Variants in CSRP1 observed in about 807,000 individuals in gnomAD.
CSRP1 encodes cysteine and glycine-rich protein 1.
In CSRP1, 16 loss-of-function variants were observed where a neutral mutation model predicts 25.4. The observed-to-expected ratio is 0.63, with a 90% CI of 0.43 to 0.96. CSRP1 has a LOEUF of 0.96. Ranked by LOEUF, CSRP1 falls within the 40% of genes least tolerant of loss-of-function variation. The probability of loss-of-function intolerance (pLI) is 0.00; values close to 1 mark genes in which losing one functional copy is unlikely to be tolerated. For synonymous variants in CSRP1, 97 were observed against 95.3 expected (o/e 1.02, Z -0.10); for missense variants, 212 against 243.6 (o/e 0.87, Z 0.86).
intron 2 of CSRP1, chr1:201,492,414 TGATATACTGAGAGACTCTGCA>T (rs1378273149): frequency 6.6e-6 from 1 of 152,064 alleles, no homozygotes; most frequent in African/African-American, 2.4e-5. Context: ...TCCATCCAGG[TGATATACTGAGAGACTCTGCA>T]ACTCACCAAA....
intron 1 of CSRP1, among the ~76,000 whole-genome samples, chr1:201,500,235 C>T (rs958889604): frequency 6.6e-6 from 1 of 152,224 alleles, no homozygotes; most frequent in African/African-American, 2.4e-5. Flanking sequence ...CCCCTAGGAA[C>T]ACCCCTAAGG....
intron 3 of CSRP1, 100 bp from the exon 4 acceptor site, chr1:201,489,084 A>G: frequency 6.7e-7 from 1 of 1,499,882 alleles, no homozygotes; most frequent in Non-Finnish European, 9.1e-7. Context: ...ATGCCAGAGC[A>G]GCGCGCAATT....
chr1:201,493,425 A>G (rs1664405460), intron 2 of CSRP1, among the ~76,000 whole-genome samples: 1 of 152,208 alleles, frequency 6.6e-6, no homozygotes, highest in Non-Finnish European at 1.5e-5. Context: ...AAAGTCTTAC[A>G]AGATCTGATG....
At position 201,502,895 on chromosome 1, in the gene CSRP1, G is replaced by A. The variant is rs191742231; in HGVS notation, c.-2+4175C>T. Among the ~76,000 whole-genome samples, 8 of 152,084 alleles carry A rather than the reference G, an allele frequency of 5.3e-5. No individual in the cohort carries two copies. In the East Asian group the frequency reaches 1.5e-3, roughly 29 times the overall value. The stretch of plus-strand genomic sequence containing the variant: ...CATTCCTATAATCCTAGCACTTGGG[G>A]AGGCTGAGGTGGGTGGATCATTTAA... On this transcript the variant is annotated intron_variant, in intron 1 of 5. Coordinates refer to ENST00000340006, the MANE Select transcript of CSRP1 (RefSeq NM_004078.3).
At chr1:201,485,728 C>G in intron 4 of CSRP1, 1 of 277,610 alleles carries the variant, frequency 3.6e-6, no homozygotes, top group Non-Finnish European at 7.0e-6. Flanking sequence ...GCCAGTAGAT[C>G]AGTGGTGTGA....
At chr1:201,501,415 C>T (rs1452865038) in intron 1 of CSRP1, among the ~76,000 whole-genome samples, 1 of 152,252 alleles carries the variant, frequency 6.6e-6, no homozygotes, top group Non-Finnish European at 1.5e-5. Context: ...TCCCATTTCA[C>T]TCTGTTGACC....
chr1:201,485,455 T>C, intron 4 of CSRP1, 79 bp from the exon 5 acceptor site: 6 of 1,293,196 alleles, frequency 4.6e-6, no homozygotes, highest in Non-Finnish European at 6.7e-6. Flanking sequence ...CCCTTTGACA[T>C]AACCATGGTA....
At chr1:201,505,591 C>A (rs1460165306) in intron 1 of CSRP1, among the ~76,000 whole-genome samples, 1 of 152,224 alleles carries the variant, frequency 6.6e-6, no homozygotes, top group Non-Finnish European at 1.5e-5. Flanking sequence ...CCACACTACA[C>A]CCTCTGCAGG....
At chr1:201,494,445 A>G (rs1664436046) in intron 2 of CSRP1, among the ~76,000 whole-genome samples, 2 of 152,194 alleles carry the variant, frequency 1.3e-5, no homozygotes, top group Admixed American at 6.5e-5. Context: ...TGCTGATAAC[A>G]AGACGCTGCT....
In CSRP1 at chr1:201,488,793, T is replaced by C. The variant is rs1478147874; in HGVS notation, c.411+62A>G. The C allele has an allele frequency of 1.9e-6, 3 of 1,592,398 alleles. No homozygotes were observed. The East Asian group carries it at 6.8e-5, about 36-fold the overall frequency. ...AGCTAGGTCACCAATTTAAAAGTTCTGGAATCCACATTTCAGGAAGATATC... is the reference window on the plus strand; with the variant it reads ...AGCTAGGTCACCAATTTAAAAGTTCCGGAATCCACATTTCAGGAAGATATC... On this transcript the variant is annotated intron_variant, in intron 4 of 5. Transcript: ENST00000340006.
In CSRP1 at chr1:201,496,273, C is replaced by T; in HGVS notation, c.31G>A (p.Gly11Arg). The change falls in exon 2 of 6, where the codon GGG (glycine) becomes AGG (arginine). Residue 11 changes from glycine to arginine, a missense_variant. Physicochemically the swap from Gly to Arg is moderately radical, Grantham distance 125. Transcript: ENST00000340006. ...AAGTAAACCGTCTTCTGACACACCC[C>T]ACATTTCTTGCCTCCTCCCCAGTTC... MPNWGGGKKC[G>R]VCQKTVYFAE... The T allele has an allele frequency of 1.2e-6, 2 of 1,614,188 alleles. No homozygotes were observed. The highest frequency in any genetic ancestry group is 1.7e-6 in the Non-Finnish European group (2 of 1,180,036).
intron 1 of CSRP1, among the ~76,000 whole-genome samples, chr1:201,502,565 G>A (rs1208250287): frequency 1.3e-5 from 2 of 152,242 alleles, no homozygotes; most frequent in Non-Finnish European, 2.9e-5. Context: ...AGCTTTCCAT[G>A]TCCCACCTCA....
At position 201,488,813 on chromosome 1, in the gene CSRP1, G is replaced by C. The variant is rs200415089; in HGVS notation, c.411+42C>G. On this transcript the variant is annotated intron_variant, in intron 4 of 5. Transcript: ENST00000340006. The stretch of plus-strand genomic sequence containing the variant: ...AGTTCTGGAATCCACATTTCAGGAA[G>C]ATATCTCCCCCCATCCCTCTCATGC... 1.4e-4 allele frequency: 232 copies of C among 1,603,124 alleles called. 1 individual carries two copies. Among genetic ancestry groups the C allele is most frequent in the Middle Eastern group, 3.3e-4 (2 of 6,046 alleles).
rs1664067802 is a variant in CSRP1, at chr1:201,484,444, T to G, written c.*269A>C. The G allele has an allele frequency of 1.9e-6, 1 of 539,538 alleles. No homozygotes were observed. Among genetic ancestry groups the G allele is most frequent in the African/African-American group, 1.9e-5 (1 of 52,944 alleles). 33.4% of individuals were successfully genotyped at this position (539,538 alleles called of 1,614,324 possible). ...GAACAGAGCTCTGTGGGGCGAGGTG[T>G]GGGGAGAGGGGCCTGCTCTCACCTA... On this transcript the variant is annotated 3_prime_UTR_variant, in exon 6 of 6. Transcript: ENST00000340006.
chr1:201,496,947 G>A (rs138605306), intron 1 of CSRP1, among the ~76,000 whole-genome samples: 1 of 152,140 alleles, frequency 6.6e-6, no homozygotes, highest in Admixed American at 6.5e-5. Context: ...TGTCATATGG[G>A]GGCTCACTTT....
chr1:201,501,143 A>G (rs1388908403), intron 1 of CSRP1, among the ~76,000 whole-genome samples: 1 of 152,182 alleles, frequency 6.6e-6, no homozygotes, highest in East Asian at 1.9e-4. Flanking sequence ...GGAGGTATGG[A>G]AGTGATGGCC....
chr1:201,490,147 A>C lies in CSRP1; in HGVS notation c.281+29T>G, dbSNP rs368648623. ...ACAGGGTGGGGGAGAGAGCTCAAGA[A>C]AAAGGTTGGGAGGGGATCTTTTACT... On this transcript the variant is annotated intron_variant, in intron 3 of 5. Coordinates refer to ENST00000340006, the MANE Select transcript of CSRP1 (RefSeq NM_004078.3). 30 of 1,597,630 alleles carry C rather than the reference A, an allele frequency of 1.9e-5. No individual in the cohort carries two copies. The Middle Eastern group carries it at 5.0e-4, about 27-fold the overall frequency.
chr1:201,490,474 G>A (rs372290251), intron 2 of CSRP1, 130 bp from the exon 3 acceptor site: 2 of 941,924 alleles, frequency 2.1e-6, no homozygotes, highest in Non-Finnish European at 3.1e-6. Flanking sequence ...TTCAGGAACT[G>A]TCTACAAATG....
At chr1:201,496,498 TC>T (rs1664519990) in intron 1 of CSRP1, 194 bp from the exon 2 acceptor site, 3 of 602,800 alleles carry the variant, frequency 5.0e-6, no homozygotes, top group Admixed American at 2.7e-5. Context: ...GGGGATTTCC[TC>T]CCCCCAATCT....
Sources: gnomAD v4.1 joint callset for allele counts (sites outside exome capture counted in the v4.1 genomes callset) on GRCh38, gnomAD v4.1.1 for gene constraint, MANE v1.5 for transcripts, NCBI Gene and HGNC (gene_info 2026-07-23, HGNC 2026-07-21) for gene names.